The following CLCN3 variants were observed in gnomAD, a reference collection of about 807,000 sequenced individuals.
CLCN3 encodes H(+)/Cl(-) exchange transporter 3.
A neutral mutation model predicts 83.4 loss-of-function variants in CLCN3; 16 were observed. That is an observed-to-expected ratio of 0.19 (90% CI 0.13 to 0.29). CLCN3 has a LOEUF of 0.29. Ranked by LOEUF, CLCN3 falls within the 10% of genes least tolerant of loss-of-function variation. The pLI is 1.00. For synonymous variants in CLCN3, 322 were observed against 346.2 expected, an observed-to-expected ratio of 0.93 and a Z score of 0.78; for missense variants, 544 against 1,006.0, an observed-to-expected ratio of 0.54 and a Z score of 6.21.
chr4:169,631,583 C>T (rs1350947342), intron 1 of CLCN3, among the ~76,000 whole-genome samples: 10 of 152,152 alleles, frequency 6.6e-5, no homozygotes, highest in South Asian at 2.1e-4. Flanking sequence ...CCACCGCGCC[C>T]GGCCGTCTTT....
chr4:169,710,182 T>C (rs1733154921), intron 11 of CLCN3, among the ~76,000 whole-genome samples: 1 of 152,244 alleles, frequency 6.6e-6, no homozygotes, highest in Non-Finnish European at 1.5e-5. Flanking sequence ...TAAATCAGGC[T>C]AATTAACTCA....
Position 169,723,548 on chromosome 4 carries a change from A to C in CLCN3, c.*3551A>C, listed in dbSNP as rs895032005. The C allele has an allele frequency of 6.6e-6, 1 of 151,984 alleles. No homozygotes were observed. The highest frequency in any genetic ancestry group is 1.5e-5 in the Non-Finnish European group (1 of 68,018). The allele number at this position is 151,984 out of a possible 1,614,324, so 9.4% of individuals were successfully genotyped here. A position where few individuals can be genotyped will look rare whatever the true frequency, so the allele number is the denominator to read the frequency against. ...AAAAGAGGTAAAACGATTTATTTAC[A>C]TGTCTTTAAAAAATCACCTTGGACA... On this transcript the variant is annotated 3_prime_UTR_variant, in exon 13 of 13. Coordinates refer to ENST00000513761, the MANE Select transcript of CLCN3 (RefSeq NM_001829.4).
At chr4:169,636,767 G>A (rs188606510) in intron 2 of CLCN3, among the ~76,000 whole-genome samples, 1 of 106,228 alleles carries the variant, frequency 9.4e-6, no homozygotes, top group African/African-American at 3.8e-5. Context: ...TTTGGCTATT[G>A]CTAACAGTGC....
chr4:169,648,273 G>A (rs979902097), intron 2 of CLCN3, among the ~76,000 whole-genome samples: 12 of 152,174 alleles, frequency 7.9e-5, no homozygotes, highest in Non-Finnish European at 1.3e-4. Flanking sequence ...GAAATGTAAC[G>A]TGTTAACAAT....
intron 1 of CLCN3, among the ~76,000 whole-genome samples, chr4:169,629,553 T>C (rs1773316595): frequency 6.6e-6 from 1 of 152,136 alleles, no homozygotes; most frequent in Non-Finnish European, 1.5e-5. Context: ...GTATTTTTAG[T>C]AGAGACGGGG....
intron 3 of CLCN3, among the ~76,000 whole-genome samples, chr4:169,680,890 C>T (rs1336373131): frequency 6.6e-6 from 1 of 151,880 alleles, no homozygotes; most frequent in Admixed American, 6.6e-5. Context: ...AGTCTTCTGC[C>T]CATGCTGGAG....
intron 8 of CLCN3, among the ~76,000 whole-genome samples, chr4:169,696,256 G>A (rs1375688666): frequency 6.6e-6 from 1 of 152,038 alleles, no homozygotes; most frequent in African/African-American, 2.4e-5. Flanking sequence ...TTCCTATGTT[G>A]TGTTTTAAAG....
intron 2 of CLCN3, among the ~76,000 whole-genome samples, chr4:169,667,697 T>G (rs1731294501): frequency 6.6e-6 from 1 of 151,818 alleles, no homozygotes; most frequent in Non-Finnish European, 1.5e-5. Flanking sequence ...ACAGGATTTT[T>G]GCTCAATATA....
chr4:169,689,267 G>A, intron 5 of CLCN3, 37 bp downstream of exon 5: 1 of 1,543,034 alleles, frequency 6.5e-7, no homozygotes, highest in African/African-American at 1.4e-5. Flanking sequence ...ATTAATAATT[G>A]ATATAGCAAA....
At chr4:169,713,995 C>T (rs1322370314) in intron 12 of CLCN3, among the ~76,000 whole-genome samples, 1 of 152,184 alleles carries the variant, frequency 6.6e-6, no homozygotes, top group Non-Finnish European at 1.5e-5. Flanking sequence ...AAACAGATGT[C>T]ACGGGGGTTG....
At chr4:169,654,792 T>G (rs1730834008) in intron 2 of CLCN3, among the ~76,000 whole-genome samples, 1 of 152,210 alleles carries the variant, frequency 6.6e-6, no homozygotes, top group Admixed American at 6.5e-5. Context: ...CTTTTGTAAA[T>G]GTTCCATGTA....
At chr4:169,699,685 C>T (rs1168611043) in intron 9 of CLCN3, among the ~76,000 whole-genome samples, 3 of 152,062 alleles carry the variant, frequency 2.0e-5, no homozygotes, top group Admixed American at 2.0e-4. Context: ...AGATCGAGAC[C>T]ATCCTGGCTA....
In CLCN3 at chr4:169,668,933, AAC is replaced by A. The variant is rs1381863050; in HGVS notation, c.161-11116_161-11115del. Among the ~76,000 whole-genome samples, 29 of 152,238 alleles carry A rather than the reference AAC, an allele frequency of 1.9e-4. 1 individual carries two copies. In the South Asian group the frequency reaches 6.0e-3, roughly 32 times the overall value. The stretch of plus-strand genomic sequence containing the variant: ...CTAGGAGCCACAGTTTGATTGGTCT[AAC>A]TTGGATCTATGTGTTTTCTTTAGCT... On this transcript the variant is annotated intron_variant, in intron 2 of 12. Transcript: ENST00000513761.
chr4:169,687,308 C>G (rs188829659), intron 3 of CLCN3, among the ~76,000 whole-genome samples: 1 of 151,984 alleles, frequency 6.6e-6, no homozygotes, highest in Non-Finnish European at 1.5e-5. Flanking sequence ...TGGCTGGGCA[C>G]GGTGGCTCAC....
chr4:169,689,305 C>T (rs1732276935), intron 5 of CLCN3, 75 bp downstream of exon 5: 1 of 1,264,252 alleles, frequency 7.9e-7, no homozygotes, highest in Admixed American at 2.0e-5. Flanking sequence ...AATTATAGAA[C>T]TAATCACATA....
chr4:169,668,521 A>G (rs1731338292), intron 2 of CLCN3, among the ~76,000 whole-genome samples: 1 of 152,144 alleles, frequency 6.6e-6, no homozygotes, highest in South Asian at 2.1e-4. Context: ...TCACAGAACT[A>G]ACGGGAGGCA....
At chr4:169,705,936 TGGGA>T (rs1732971348) in intron 10 of CLCN3, among the ~76,000 whole-genome samples, 1 of 151,264 alleles carries the variant, frequency 6.6e-6, no homozygotes, top group African/African-American at 2.4e-5. Context: ...GAGGCTGAGG[TGGGA>T]GGATCATGGG....
intron 11 of CLCN3, among the ~76,000 whole-genome samples, chr4:169,708,753 T>G (rs966359264): frequency 6.6e-6 from 1 of 152,044 alleles, no homozygotes; most frequent in Non-Finnish European, 1.5e-5. Context: ...GAGAGAATAT[T>G]GAGATAGGAC....
Position 169,713,290 on chromosome 4 carries a change from C to T in CLCN3, c.2361C>T (p.His787=). 6.2e-7 allele frequency: 1 copy of T among 1,609,688 alleles called. No homozygotes were observed. Among genetic ancestry groups the T allele is most frequent in the Non-Finnish European group, 8.5e-7 (1 of 1,176,046 alleles). The change falls in exon 12 of 13, where the codon CAC becomes CAT. Residue 787 remains histidine (H), a synonymous_variant. Coordinates refer to ENST00000513761, the MANE Select transcript of CLCN3 (RefSeq NM_001829.4). ...GACTGAGGCAGTGCCTTGTAACTCA[C>T]AATGGGTAAGTCTGGTACCACAGGA... ...KLGLRQCLVT[H]NGRLLGIITK... is the part of the protein sequence containing the mutation.
Sources: gnomAD v4.1 joint callset for allele counts (sites outside exome capture counted in the v4.1 genomes callset) on GRCh38, gnomAD v4.1.1 for gene constraint, MANE v1.5 for transcripts, NCBI Gene and HGNC (gene_info 2026-07-23, HGNC 2026-07-21) for gene names.